DRP2: variants seen among roughly 807,000 people sequenced by gnomAD.
DRP2 encodes dystrophin-related protein 2.
DRP2 carries 29 observed loss-of-function variants against 78.2 expected under a neutral mutation model. The ratio of observed to expected loss-of-function variants is 0.37; its 90% CI spans 0.28 to 0.51. The LOEUF (loss-of-function observed/expected upper bound fraction) is 0.51. Ranked by LOEUF, DRP2 falls within the 20% of genes least tolerant of loss-of-function variation. The pLI is 0.94. For synonymous variants in DRP2, 290 were observed against 281.9 expected, an observed-to-expected ratio of 1.03 and a Z score of -0.29; for missense variants, 686 against 770.6, an observed-to-expected ratio of 0.89 and a Z score of 1.30.
At chrX:101,259,477 C>T (rs1923465763) in intron 22 of DRP2, among the ~76,000 whole-genome samples, 1 of 110,531 alleles carries the variant, frequency 9.0e-6, no homozygotes, top group African/African-American at 3.3e-5. Flanking sequence ...GGTACAATGC[C>T]ATTCTTTATT....
chrX:101,252,172 A>T (rs1363796462), intron 16 of DRP2, among the ~76,000 whole-genome samples: 2 of 112,345 alleles, frequency 1.8e-5, no homozygotes, highest in Non-Finnish European at 3.8e-5. Context: ...AATAACTTTT[A>T]GCCAACTTAG....
Position 101,219,798 on chromosome X carries a change from C to T in DRP2, c.-515C>T, listed in dbSNP as rs374007811. On this transcript the variant is annotated 5_prime_UTR_variant, in exon 1 of 24. Transcript: ENST00000395209. The stretch of plus-strand genomic sequence containing the variant: ...TCTCAGGCTCTTCCGCTTTCCTCCT[C>T]TGCTTCTAATGAATTGACATCTCCA... The T allele has an allele frequency of 1.8e-5, 2 of 108,520 alleles. No individual in the cohort carries two copies. Among genetic ancestry groups the T allele is most frequent in the Admixed American group, 2.0e-4 (2 of 10,087 alleles). 8.9% of individuals were successfully genotyped at this position (108,520 alleles called of 1,213,427 possible). A position where few individuals can be genotyped will look rare whatever the true frequency, so the allele number is the denominator to read the frequency against.
At chrX:101,221,585 G>A in intron 1 of DRP2, among the ~76,000 whole-genome samples, 1 of 112,590 alleles carries the variant, frequency 8.9e-6, no homozygotes, top group Non-Finnish European at 1.9e-5. Context: ...CTCTTCCTGT[G>A]AGATTTGTAC....
At chrX:101,250,717 G>C (rs1397756789) in intron 15 of DRP2, 137 bp downstream of exon 15, 4 of 956,759 alleles carry the variant, frequency 4.2e-6, no homozygotes, top group Non-Finnish European at 4.2e-6. Flanking sequence ...GAACAACAGG[G>C]CAGAGGGTTC....
intron 15 of DRP2, 126 bp from the exon 16 acceptor site, chrX:101,250,791 G>C: frequency 1.0e-6 from 1 of 979,005 alleles, no homozygotes. Context: ...AGGGCAGAAC[G>C]TGAACATCTC....
intron 12 of DRP2, among the ~76,000 whole-genome samples, chrX:101,247,409 A>C (rs947996046): frequency 1.3e-4 from 15 of 111,544 alleles, no homozygotes; most frequent in African/African-American, 4.9e-4. Context: ...CCCTTTTCCC[A>C]TGCTCAGTAT....
intron 6 of DRP2, 21 bp from the exon 7 acceptor site, chrX:101,241,647 G>A (rs1305693464): frequency 8.3e-7 from 1 of 1,207,319 alleles, no homozygotes; most frequent in Admixed American, 2.2e-5. Context: ...GCCTAACCTG[G>A]CTTCCTGCCT....
chrX:101,234,350 T>TC (rs1402011766), intron 3 of DRP2, among the ~76,000 whole-genome samples: 23 of 112,933 alleles, frequency 2.0e-4, no homozygotes, highest in African/African-American at 7.4e-4. Flanking sequence ...CCAGTCCCAC[T>TC]CCCGCCATCC....
At chrX:101,254,687 C>T (rs1432054946) in intron 18 of DRP2, 126 bp downstream of exon 18, 43 of 1,078,062 alleles carry the variant, frequency 4.0e-5, no homozygotes, top group Non-Finnish European at 5.1e-5. Flanking sequence ...GTGATAGGGC[C>T]GTTCAGCTTG....
At chrX:101,239,486 T>A (rs1922641490) in intron 6 of DRP2, among the ~76,000 whole-genome samples, 1 of 112,420 alleles carries the variant, frequency 8.9e-6, no homozygotes, top group Non-Finnish European at 1.9e-5. Context: ...CTCATGTCTG[T>A]AATTCCAGCA....
At chrX:101,233,043 G>A (rs1922363783) in intron 3 of DRP2, among the ~76,000 whole-genome samples, 2 of 112,442 alleles carry the variant, frequency 1.8e-5, no homozygotes, top group African/African-American at 6.5e-5. Flanking sequence ...GGCTACAAAA[G>A]CCAGAAGTAG....
intron 1 of DRP2, among the ~76,000 whole-genome samples, chrX:101,221,462 C>T (rs1308890964): frequency 8.9e-6 from 1 of 112,411 alleles, no homozygotes; most frequent in East Asian, 2.8e-4. Context: ...AGTGTTGTGT[C>T]CTGTTTCTGA....
intron 1 of DRP2, among the ~76,000 whole-genome samples, chrX:101,224,191 G>GTTTTGTTTTGTTTTTTTT (rs1922007763): frequency 2.6e-4 from 10 of 38,884 alleles, no homozygotes; most frequent in African/African-American, 1.0e-3. Flanking sequence ...GGTTTTTTTT[G>GTTTTGTTTTGTTTTTTTT]TTTTTTTTTT....
At chrX:101,224,182 G>GTTTTTTTTTTTTTTTTTTT (rs1214156680) in intron 1 of DRP2, among the ~76,000 whole-genome samples, 1 of 44,232 alleles carries the variant, frequency 2.3e-5, no homozygotes, top group Non-Finnish European at 4.1e-5. Context: ...TGTTTGCTGG[G>GTTTTTTTTTTTTTTTTTTT]TTTTTTTTGT....
At chrX:101,257,429 TAA>T (rs57717609) in intron 21 of DRP2, among the ~76,000 whole-genome samples, 229 of 51,437 alleles carry the variant, frequency 4.5e-3, no homozygotes, top group African/African-American at 0.014. Flanking sequence ...CAAGGCAAGA[TAA>T]AAAAAAAAAA....
Position 101,231,592 on chromosome X carries a change from A to G in DRP2, c.-56A>G. On this transcript the variant is annotated 5_prime_UTR_variant, in exon 3 of 24. It removes an upstream start codon present in the reference 5' UTR. Transcript: ENST00000395209. ...TCTGTATTGCTTTTCCAGGTGCTTA[A>G]TGATCAATAGTTGGTGCACTGCCTA... 3 of 1,016,110 alleles carry G rather than the reference A, an allele frequency of 3.0e-6. No homozygotes were observed. Among genetic ancestry groups the G allele is most frequent in the Non-Finnish European group, 4.2e-6 (3 of 717,334 alleles). The allele number at this position is 1,016,110 out of a possible 1,213,427, so 83.7% of individuals were successfully genotyped here.
At chrX:101,236,938 A>G (rs1261337516) in intron 4 of DRP2, among the ~76,000 whole-genome samples, 1 of 111,724 alleles carries the variant, frequency 9.0e-6, no homozygotes, top group African/African-American at 3.3e-5. Context: ...GAATGGCTTG[A>G]TGGCTGCACA....
chrX:101,252,543 C>T, intron 16 of DRP2, 62 bp from the exon 17 acceptor site: 1 of 916,687 alleles, frequency 1.1e-6, no homozygotes, highest in Non-Finnish European at 1.6e-6. Flanking sequence ...GTTAGGGGAA[C>T]AGCGGGGAGG....
At position 101,237,706 on chromosome X, in the gene DRP2, G is replaced by A; in HGVS notation, c.369G>A (p.Glu123=). Residue 123 remains glutamate, a synonymous_variant, in exon 5 of 24, where the codon GAG becomes GAA. Transcript: ENST00000395209. ...TTGACTGGCTCAGCCAAAAGGATGAGGAGTTGTCAGCTCAGCTGCCCCTAC... is the reference window on the plus strand; with the variant it reads ...TTGACTGGCTCAGCCAAAAGGATGAAGAGTTGTCAGCTCAGCTGCCCCTAC... ...EIIDWLSQKD[E]ELSAQLPLQG... The A allele has an allele frequency of 8.5e-7, 1 of 1,179,735 alleles. No homozygotes were observed. The highest frequency in any genetic ancestry group is 1.1e-6 in the Non-Finnish European group (1 of 875,528).
Sources: gnomAD v4.1 joint callset for allele counts (sites outside exome capture counted in the v4.1 genomes callset) on GRCh38, gnomAD v4.1.1 for gene constraint, MANE v1.5 for transcripts, NCBI Gene and HGNC (gene_info 2026-07-23, HGNC 2026-07-21) for gene names.